The following SEZ6L variants were observed in gnomAD, a reference collection of about 807,000 sequenced individuals.
The protein encoded by SEZ6L is seizure related 6 homolog like, also known as seizure 6-like protein.
Under a neutral mutation model 106.2 loss-of-function variants are expected in SEZ6L, and 37 were observed. The ratio of observed to expected loss-of-function variants is 0.35; its 90% CI spans 0.27 to 0.46. SEZ6L has a LOEUF of 0.46. SEZ6L is among the 20% of genes least tolerant of loss of function. The pLI is 1.00. For synonymous variants in SEZ6L, 541 were observed against 570.4 expected, an observed-to-expected ratio of 0.95 and a Z score of 0.73; for missense variants, 1,172 against 1,332.8, an observed-to-expected ratio of 0.88 and a Z score of 1.88.
At chr22:26,222,730 A>T (rs8142231) in intron 1 of SEZ6L, among the ~76,000 whole-genome samples, 39,405 of 151,932 alleles carry the variant, frequency 0.26, 5,374 homozygotes, top group Middle Eastern at 0.33. Flanking sequence ...ACATAAAAAA[A>T]TTTTTTTCAT....
intron 1 of SEZ6L, among the ~76,000 whole-genome samples, chr22:26,243,736 T>C (rs1421311763): frequency 6.6e-6 from 1 of 152,122 alleles, no homozygotes; most frequent in East Asian, 1.9e-4. Flanking sequence ...GTAGGGCAAC[T>C]AAAAGAAGAG....
intron 10 of SEZ6L, among the ~76,000 whole-genome samples, chr22:26,344,123 A>G (rs990912987): frequency 7.2e-5 from 11 of 152,220 alleles, no homozygotes. Context: ...TGAAGATCCT[A>G]TATTGACCTA....
chr22:26,176,983 G>T (rs1939047445), intron 1 of SEZ6L, among the ~76,000 whole-genome samples: 1 of 152,118 alleles, frequency 6.6e-6, no homozygotes, highest in Admixed American at 6.6e-5. Context: ...CCTAAACAAT[G>T]AACTCTTAGA....
In SEZ6L at chr22:26,296,946, C is replaced by G. The variant is rs1293427682; in HGVS notation, c.1028C>G (p.Pro343Arg). 5 of 1,613,878 alleles carry G rather than the reference C, an allele frequency of 3.1e-6. No individual in the cohort carries two copies. Among genetic ancestry groups the G allele is most frequent in the Admixed American group, 3.3e-5 (2 of 59,996 alleles). ...CTCTCCATCCGCGGGGTGGACGGCC[C>G]TACCCTGACCGTCCTGGCCAACCAG... ...ELLSIRGVDGPTLTVLANQTL... is the reference protein window; with the variant it reads ...ELLSIRGVDGRTLTVLANQTL... Residue 343 changes from proline (P) to arginine (R), a missense_variant, in exon 4 of 17, where the codon CCT (proline) becomes CGT (arginine). Physicochemically the swap from Pro to Arg is moderately radical, Grantham distance 103. Transcript: ENST00000248933.
chr22:26,262,579 T>C (rs560757914), intron 1 of SEZ6L, among the ~76,000 whole-genome samples: 45 of 152,148 alleles, frequency 3.0e-4, no homozygotes, highest in Non-Finnish European at 5.6e-4. Flanking sequence ...TTTCCTAGTG[T>C]GAAGGACAGA....
intron 1 of SEZ6L, among the ~76,000 whole-genome samples, chr22:26,214,825 G>T (rs1170716908): frequency 6.6e-6 from 1 of 152,178 alleles, no homozygotes; most frequent in Non-Finnish European, 1.5e-5. Context: ...GAGTTTGCGG[G>T]GATGTTTCTG....
At position 26,380,396 on chromosome 22, in the gene SEZ6L, C is replaced by T. The variant is rs1220403313; in HGVS notation, c.*101C>T. The T allele has an allele frequency of 3.3e-6, 3 of 905,292 alleles. No homozygotes were observed. Among genetic ancestry groups the T allele is most frequent in the East Asian group, 2.4e-5 (1 of 41,094 alleles). 56.1% of individuals were successfully genotyped at this position (905,292 alleles called of 1,614,324 possible). A position where few individuals can be genotyped will look rare whatever the true frequency, so the allele number is the denominator to read the frequency against. On this transcript the variant is annotated 3_prime_UTR_variant, in exon 17 of 17. Transcript: ENST00000248933. ...GCACTTGATTGAAACCCCAGAATGT[C>T]GACTGTCTTTTGTTTAGACTCTTTA...
chr22:26,351,366 T>C (rs753093533), intron 12 of SEZ6L, 123 bp downstream of exon 12: 6 of 764,306 alleles, frequency 7.9e-6, no homozygotes, highest in South Asian at 1.8e-5. Flanking sequence ...TTTATTATCA[T>C]TACTATGACA....
chr22:26,211,450 A>T, intron 1 of SEZ6L, among the ~76,000 whole-genome samples: 1 of 152,184 alleles, frequency 6.6e-6, no homozygotes, highest in Non-Finnish European at 1.5e-5. Context: ...TTCTAAAGGA[A>T]GGTAGATCCA....
intron 1 of SEZ6L, among the ~76,000 whole-genome samples, chr22:26,219,249 T>C (rs373902195): frequency 2.0e-5 from 2 of 99,882 alleles, no homozygotes; most frequent in African/African-American, 3.3e-5. Context: ...GTTCGAGAAA[T>C]ACAAGTTTTT....
intron 1 of SEZ6L, among the ~76,000 whole-genome samples, chr22:26,232,744 T>C (rs1350317809): frequency 1.3e-5 from 2 of 152,224 alleles, no homozygotes; most frequent in Non-Finnish European, 2.9e-5. Flanking sequence ...CACTCTCTCA[T>C]GGTCACACAA....
intron 1 of SEZ6L, among the ~76,000 whole-genome samples, chr22:26,265,415 T>C (rs151073876): frequency 3.3e-5 from 5 of 152,320 alleles, no homozygotes; most frequent in African/African-American, 1.2e-4. Context: ...CCATCTACTC[T>C]AGGGGGAAAT....
intron 6 of SEZ6L, among the ~76,000 whole-genome samples, chr22:26,307,013 T>C (rs1167960368): frequency 6.6e-6 from 1 of 152,076 alleles, no homozygotes. Context: ...AGGAGGCACA[T>C]GGGAAAGTGA....
chr22:26,170,791 G>T (rs134757), intron 1 of SEZ6L, among the ~76,000 whole-genome samples: 35,437 of 152,122 alleles, frequency 0.23, 4,259 homozygotes, highest in Middle Eastern at 0.34. Context: ...CCAGAAATGC[G>T]CTCCTCACGT....
At chr22:26,355,743 CAGAAAAGAAA>C (rs150501916) in intron 12 of SEZ6L, among the ~76,000 whole-genome samples, 88 of 152,048 alleles carry the variant, frequency 5.8e-4, no homozygotes, top group Middle Eastern at 3.4e-3. Flanking sequence ...AACATAGAAA[CAGAAAAGAAA>C]AGAAAAGAAA....
In SEZ6L at chr22:26,292,814, G is replaced by T. The variant is rs754230514; in HGVS notation, c.503G>T (p.Gly168Val). 6.2e-7 allele frequency: 1 copy of T among 1,614,004 alleles called. No individual in the cohort carries two copies. The highest frequency in any genetic ancestry group is 1.1e-5 in the South Asian group (1 of 91,068). Residue 168 changes from glycine (G) to valine (V), a missense_variant, in exon 2 of 17, where the codon GGG (glycine) becomes GTG (valine). Gly to Val is a moderately radical substitution (Grantham distance 109). This residue lies in a region of SEZ6L where 494 missense variants were observed against 445.8 expected (regional missense o/e 1.11). Coordinates refer to ENST00000248933, the MANE Select transcript of SEZ6L (RefSeq NM_021115.5). The stretch of plus-strand genomic sequence containing the variant: ...TCCACGGAGAAGCCTGGCCCACCGG[G>T]GGACCCGGACCCCATCGTGGCCTCC... ...SSSTEKPGPP[G>V]DPDPIVASEE... is the part of the protein sequence containing the mutation.
intron 1 of SEZ6L, among the ~76,000 whole-genome samples, chr22:26,229,429 A>T (rs1012976634): frequency 6.6e-6 from 1 of 152,014 alleles, no homozygotes; most frequent in African/African-American, 2.4e-5. Flanking sequence ...CAGCTGTTTT[A>T]AAAAAAATAA....
intron 1 of SEZ6L, among the ~76,000 whole-genome samples, chr22:26,247,509 G>T (rs1481003953): frequency 1.3e-5 from 2 of 152,138 alleles, no homozygotes; most frequent in Non-Finnish European, 2.9e-5. Context: ...ACTCAGAGAA[G>T]AATGCCATGT....
At chr22:26,277,122 A>C (rs2080574232) in intron 1 of SEZ6L, among the ~76,000 whole-genome samples, 1 of 113,838 alleles carries the variant, frequency 8.8e-6, no homozygotes, top group African/African-American at 3.1e-5. Flanking sequence ...TTTTTTTTTA[A>C]TATAGCCTCT....
Sources: allele counts gnomAD v4.1 joint callset (sites outside exome capture counted in the v4.1 genomes callset), GRCh38; gene constraint gnomAD v4.1.1; regional missense constraint gnomAD v4.1.1; transcripts MANE v1.5; gene names NCBI Gene and HGNC (gene_info 2026-07-23, HGNC 2026-07-21).